The following TBCE variants were observed in gnomAD, a reference collection of about 807,000 sequenced individuals.
The protein encoded by TBCE is tubulin folding cofactor E, also known as tubulin-specific chaperone E.
In TBCE, 53 loss-of-function variants were observed where a neutral mutation model predicts 77.0. The ratio of observed to expected loss-of-function variants is 0.69; its 90% confidence interval spans 0.55 to 0.87. The LOEUF is 0.87. Among genes scored for constraint, TBCE ranks in the 40% least tolerant of loss-of-function variants. TBCE has a pLI of 0.00. For missense variants in TBCE, 624 were observed against 622.4 expected (o/e 1.00, Z -0.03); for synonymous variants, 235 against 241.3 (o/e 0.97, Z 0.24).
intron 2 of TBCE, among the ~76,000 whole-genome samples, chr1:235,385,336 C>G (rs1226357149): frequency 2.6e-5 from 4 of 152,060 alleles, no homozygotes; most frequent in African/African-American, 4.8e-5. Flanking sequence ...ATTACGTCCG[C>G]TTGGTGCAGA....
In TBCE at chr1:235,436,599, G is replaced by T. The variant is rs1447825780; in HGVS notation, c.954G>T (p.Gln318His). ...SLKYLVVNDN[Q>H]ISQWSFFNEL... ...AGTACCTGGTAGTAAACGACAATCA[G>T]ATATCACAAGTAAGAGCTGCTCGGA... Residue 318 changes from glutamine (Q) to histidine (H), a missense_variant, in exon 11 of 17, where the codon CAG (glutamine) becomes CAT (histidine). By Grantham distance (24) the Gln-to-His change is conservative. Transcript: ENST00000642610. 3.1e-6 allele frequency: 5 copies of T among 1,613,770 alleles called. No homozygotes were observed. Among genetic ancestry groups the T allele is most frequent in the Non-Finnish European group, 4.2e-6 (5 of 1,179,702 alleles).
chr1:235,389,349 T>G (rs1387996416), intron 2 of TBCE, among the ~76,000 whole-genome samples: 1 of 151,990 alleles, frequency 6.6e-6, no homozygotes, highest in African/African-American at 2.4e-5. Flanking sequence ...TTGTTTGAGG[T>G]TGAGTTTCGT....
chr1:235,373,152 G>A (rs952324208), intron 1 of TBCE, among the ~76,000 whole-genome samples: 36 of 151,986 alleles, frequency 2.4e-4, no homozygotes, highest in African/African-American at 8.4e-4. Flanking sequence ...ATAACATAGT[G>A]AGGCCCTACT....
intron 12 of TBCE, among the ~76,000 whole-genome samples, chr1:235,438,038 A>G (rs1366439875): frequency 6.6e-6 from 1 of 152,124 alleles, no homozygotes; most frequent in African/African-American, 2.4e-5. Context: ...GTAGGCAGAA[A>G]GAACACAGAC....
intron 1 of TBCE, among the ~76,000 whole-genome samples, chr1:235,378,368 G>A (rs1222920293): frequency 1.4e-5 from 2 of 146,544 alleles, no homozygotes; most frequent in African/African-American, 2.6e-5. Flanking sequence ...CTACAGGCGT[G>A]TGCCACAATG....
intron 11 of TBCE, 53 bp downstream of exon 11, chr1:235,436,661 T>A: frequency 6.6e-7 from 1 of 1,507,616 alleles, no homozygotes; most frequent in East Asian, 2.3e-5. Context: ...TCCACTCTCA[T>A]GGCAGAGTTT....
At chr1:235,419,429 G>A (rs763770868) in intron 4 of TBCE, 44 bp from the exon 5 acceptor site, 1 of 1,613,858 alleles carries the variant, frequency 6.2e-7, no homozygotes, top group Non-Finnish European at 8.5e-7. Context: ...CCAGTGGATA[G>A]CATACGTGCT....
chr1:235,447,433 A>ATAGTG (rs1242800179), intron 15 of TBCE, among the ~76,000 whole-genome samples: 2 of 152,228 alleles, frequency 1.3e-5, no homozygotes, highest in Non-Finnish European at 2.9e-5. Context: ...AAAGAAGTTC[A>ATAGTG]TAGTGTATTC....
In TBCE at chr1:235,433,017, G is replaced by A. The variant is rs773418022; in HGVS notation, c.661-1187G>A. ...AAGACGCCAGCAAGTTCGTGGATCTGTGCGTGCTGCAGAAATGCTCCACCA... is the reference window on the plus strand; with the variant it reads ...AAGACGCCAGCAAGTTCGTGGATCTATGCGTGCTGCAGAAATGCTCCACCA... On this transcript the variant is annotated intron_variant, in intron 7 of 16. Transcript: ENST00000642610. The A allele has an allele frequency of 1.0e-5, 16 of 1,537,314 alleles. No individual in the cohort carries two copies. The African/African-American group carries it at 1.9e-4, about 18-fold the overall frequency.
chr1:235,438,767 A>G lies in TBCE; in HGVS notation c.1117-2A>G. 1 of 1,614,216 alleles carries G rather than the reference A, an allele frequency of 6.2e-7. No homozygotes were observed. The highest frequency in any genetic ancestry group is 8.5e-7 in the Non-Finnish European group (1 of 1,180,050). ...GCTTGTTTTTATGTCACATGAACAT[A>G]GATTCTCCCCGAGGAGAGGCGGAGA... On this transcript the variant is annotated splice_acceptor_variant, in intron 12 of 16. Coordinates refer to ENST00000642610, the MANE Select transcript of TBCE (RefSeq NM_003193.5). LOFTEE classifies it high-confidence loss of function.
chr1:235,440,818 G>C (rs764950698), intron 13 of TBCE: 7 of 152,238 alleles, frequency 4.6e-5, no homozygotes, highest in African/African-American at 1.7e-4. Context: ...TGGCATGCAC[G>C]GTGGTTCCTT....
At chr1:235,405,119 T>C (rs1470939244) in intron 3 of TBCE, among the ~76,000 whole-genome samples, 3 of 151,746 alleles carry the variant, frequency 2.0e-5, no homozygotes, top group Non-Finnish European at 4.4e-5. Context: ...CATGTCACCA[T>C]GCCCAGCTAA....
chr1:235,393,769 C>T (rs182319023), intron 2 of TBCE, among the ~76,000 whole-genome samples: 8 of 152,102 alleles, frequency 5.3e-5, no homozygotes, highest in Non-Finnish European at 8.8e-5. Context: ...TGCTTTTATC[C>T]TCCTACAGAG....
chr1:235,442,174 A>G (rs1438666605), intron 14 of TBCE, among the ~76,000 whole-genome samples: 1 of 151,482 alleles, frequency 6.6e-6, no homozygotes, highest in Non-Finnish European at 1.5e-5. Flanking sequence ...ATGCCCGGCT[A>G]ATTTTTTTTA....
rs1303094443 is a variant in TBCE at position 235,384,290 on chromosome 1, GTC to G, written c.100+4145_100+4146del. Among the ~76,000 whole-genome samples, 7 of 141,956 alleles carry G rather than the reference GTC, an allele frequency of 4.9e-5. No homozygotes were observed. In the South Asian group the frequency reaches 7.1e-4, roughly 14 times the overall value. The allele number at this position is 141,956 out of a possible 152,430, so 93.1% of individuals were successfully genotyped here. A position where few individuals can be genotyped will look rare whatever the true frequency, so the allele number is the denominator to read the frequency against. On this transcript the variant is annotated intron_variant, in intron 2 of 16. Transcript: ENST00000642610. ...GTCTAAAATTCTCTTTTTTGGTTGT[GTC>G]TCTGCCTGGCTTTGGTATCAGGATG...
At chr1:235,431,214 G>A (rs563586072) in intron 7 of TBCE, among the ~76,000 whole-genome samples, 16 of 152,238 alleles carry the variant, frequency 1.1e-4, no homozygotes, top group Middle Eastern at 3.4e-3. Context: ...TTAGAAGTTC[G>A]GCTCTTGGAA....
At chr1:235,431,234 C>A (rs1474310421) in intron 7 of TBCE, among the ~76,000 whole-genome samples, 1 of 152,178 alleles carries the variant, frequency 6.6e-6, no homozygotes, top group Non-Finnish European at 1.5e-5. Flanking sequence ...ATCCACTGTT[C>A]ATTTTATACA....
chr1:235,427,003 ACTC>A (rs1680757217), intron 5 of TBCE, 134 bp from the exon 6 acceptor site: 1 of 674,722 alleles, frequency 1.5e-6, no homozygotes, highest in Non-Finnish European at 2.6e-6. Context: ...AATATTATGT[ACTC>A]CTGAAAAAAT....
chr1:235,440,187 G>T (rs533468792), intron 13 of TBCE, among the ~76,000 whole-genome samples: 1 of 152,094 alleles, frequency 6.6e-6, no homozygotes, highest in Non-Finnish European at 1.5e-5. Flanking sequence ...AGCCAGGATG[G>T]TCTCGATCTC....
Sources: gnomAD v4.1 joint callset for allele counts (sites outside exome capture counted in the v4.1 genomes callset) on GRCh38, gnomAD v4.1.1 for gene constraint, MANE v1.5 for transcripts, NCBI Gene and HGNC (gene_info 2026-07-23, HGNC 2026-07-21) for gene names.